Variants in COL20A1 observed in about 807,000 individuals in gnomAD.
COL20A1 encodes the protein collagen type XX alpha 1 chain, also known as collagen alpha-1(XX) chain.
COL20A1 carries 164 observed loss-of-function variants against 152.9 expected under a neutral mutation model. That is an observed-to-expected ratio of 1.07 (90% confidence interval 0.94 to 1.22). The LOEUF (loss-of-function observed/expected upper bound fraction) is 1.22, where lower values mean the gene tolerates loss of function less well. Ranked by LOEUF, COL20A1 falls within the 50% of genes most tolerant of loss-of-function variation. The probability of loss-of-function intolerance (pLI) is 0.00; values close to 1 mark genes in which losing one functional copy is unlikely to be tolerated. For missense variants in COL20A1, 1,873 were observed against 1,744.8 expected (o/e 1.07, Z -1.31); for synonymous variants, 864 against 756.0 (o/e 1.14, Z -2.34).
intron 26 of COL20A1, 65 bp downstream of exon 26, chr20:63,321,164 T>A: frequency 8.9e-7 from 1 of 1,128,504 alleles, no homozygotes; most frequent in Non-Finnish European, 1.3e-6. Flanking sequence ...CTGCCACTGG[T>A]GGATGTGTAA....
At chr20:63,316,735 G>C in intron 21 of COL20A1, 44 bp downstream of exon 21, 1 of 1,474,034 alleles carries the variant, frequency 6.8e-7, no homozygotes. Flanking sequence ...CCCAGGCTGG[G>C]GCCGCTGAAG....
At chr20:63,309,578 G>A (rs1298212867) in intron 9 of COL20A1, 81 bp downstream of exon 9, 50 of 1,347,576 alleles carry the variant, frequency 3.7e-5, no homozygotes, top group Non-Finnish European at 4.3e-5. Context: ...TGTGGCTCCC[G>A]TGTGGTACCT....
At position 63,305,718 on chromosome 20, in the gene COL20A1, G is replaced by A. The variant is rs192870698; in HGVS notation, c.337+158G>A. Among the ~76,000 whole-genome samples, 2 of 152,190 alleles carry A rather than the reference G, an allele frequency of 1.3e-5. No individual in the cohort carries two copies. The highest frequency in any genetic ancestry group is 4.8e-5 in the African/African-American group (2 of 41,436). On this transcript the variant is annotated intron_variant, in intron 4 of 35. Coordinates refer to ENST00000358894, the MANE Select transcript of COL20A1 (RefSeq NM_020882.4). The surrounding 1 kb of genome is among the most constrained non-coding windows in gnomAD (Gnocchi z 4.9). ...TGTGCTAGGGGCAGGTTCAAGTCCC[G>A]ACTCACCAGCAAGGCTGCCTTGCCC... is the stretch of plus-strand genomic sequence containing the variant.
At position 63,326,153 on chromosome 20, in the gene COL20A1, G is replaced by A. The variant is rs2068244727; in HGVS notation, c.3456+4G>A. 3 of 1,610,946 alleles carry A rather than the reference G, an allele frequency of 1.9e-6. No individual in the cohort carries two copies. Among genetic ancestry groups the A allele is most frequent in the Non-Finnish European group, 8.5e-7 (1 of 1,178,248 alleles). On this transcript the variant is annotated splice_donor_region_variant and intron_variant, in intron 30 of 35. Coordinates refer to ENST00000358894, the MANE Select transcript of COL20A1 (RefSeq NM_020882.4). ...GCCTGGACCCCCTGGCCCCAGGGTA[G>A]GCACCGACCTCCCATGACCCCGACC...
chr20:63,311,966 G>A lies in COL20A1; in HGVS notation c.1714G>A (p.Ala572Thr), dbSNP rs547538940. 35 of 1,597,454 alleles carry A rather than the reference G, an allele frequency of 2.2e-5. No individual in the cohort carries two copies. The highest frequency in any genetic ancestry group is 1.7e-4 in the Admixed American group (10 of 58,252). The change falls in exon 14 of 36, where the codon GCG becomes ACG. Residue 572 changes from alanine (A) to threonine (T), a missense_variant. Ala to Thr is a moderately conservative substitution (Grantham distance 58, BLOSUM62 0). Transcript: ENST00000358894. This position sits in a 1 kb window ranked among gnomAD's most constrained non-coding sequence, Gnocchi z 4.4. ...GGGCTTCTCAGACGTGAGCCACGAC[G>A]CGGCACGAGTGTTCTGGGAGGGTGC... ...HLGFSDVSHD[A>T]ARVFWEGAPR...
rs111272882 is a variant in COL20A1, at chr20:63,312,476, C to G, written c.1860C>G (p.Thr620=). 14 of 1,608,856 alleles carry G rather than the reference C, an allele frequency of 8.7e-6. No individual in the cohort carries two copies. Among genetic ancestry groups the G allele is most frequent in the Non-Finnish European group, 8.5e-6 (10 of 1,178,858 alleles). Residue 620 remains threonine, a synonymous_variant, in exon 15 of 36, where the codon ACC becomes ACG. Transcript: ENST00000358894. ...CGCTGGGGCCTCTCTCTTCCTCCAC[C>G]ACCTACACTGTCCGTGTCACCTGCC... is the stretch of plus-strand genomic sequence containing the variant. ...SATLGPLSSS[T]TYTVRVTCLY...
intron 3 of COL20A1, among the ~76,000 whole-genome samples, chr20:63,304,215 C>T (rs1601407821): frequency 2.8e-5 from 3 of 105,802 alleles, no homozygotes; most frequent in Non-Finnish European, 2.0e-5. Context: ...CTCCCTTCCT[C>T]CCTCCAGGTG....
At position 63,308,011 on chromosome 20, in the gene COL20A1, C is replaced by T; in HGVS notation, c.696C>T (p.Asp232=). Residue 232 remains aspartate, a synonymous_variant, in exon 7 of 36, where the codon GAC becomes GAT. Coordinates refer to ENST00000358894, the MANE Select transcript of COL20A1 (RefSeq NM_020882.4). ...QYSGDAQTEW[D]LNSLSTKEQV... ...GCGGGGATGCTCAGACTGAGTGGGA[C>T]CTGAACTCCCTCAGCACCAAGGAAC... 1 of 1,612,608 alleles carries T rather than the reference C, an allele frequency of 6.2e-7. No individual in the cohort carries two copies.
At chr20:63,296,703 G>A (rs955307410) in intron 2 of COL20A1, among the ~76,000 whole-genome samples, 13 of 152,200 alleles carry the variant, frequency 8.5e-5, no homozygotes, top group Admixed American at 5.9e-4. Flanking sequence ...CAGGGGCTGC[G>A]GGAGGGGCCC....
chr20:63,301,018 G>C (rs1437790956), intron 3 of COL20A1, among the ~76,000 whole-genome samples: 1 of 152,116 alleles, frequency 6.6e-6, no homozygotes, highest in Non-Finnish European at 1.5e-5. Flanking sequence ...TCAGTCCTTT[G>C]GAAAGTACCT....
chr20:63,319,944 A>C lies in COL20A1; in HGVS notation c.2917-95A>C. ...AGGTTCCTGACCCCAGGTCCCAGGG[A>C]TGGGTGTTACTCCCCAGCCCTGGCC... On this transcript the variant is annotated intron_variant, in intron 23 of 35. Coordinates refer to ENST00000358894, the MANE Select transcript of COL20A1 (RefSeq NM_020882.4). The surrounding 1 kb of genome is among the most constrained non-coding windows in gnomAD (Gnocchi z 4.4). The C allele has an allele frequency of 8.2e-7, 1 of 1,219,456 alleles. No homozygotes were observed. Among genetic ancestry groups the C allele is most frequent in the Middle Eastern group, 2.3e-4 (1 of 4,444 alleles). 75.5% of individuals were successfully genotyped at this position (1,219,456 alleles called of 1,614,324 possible).
At chr20:63,303,709 G>A (rs548121943) in intron 3 of COL20A1, among the ~76,000 whole-genome samples, 3 of 152,316 alleles carry the variant, frequency 2.0e-5, no homozygotes, top group East Asian at 1.9e-4. Context: ...TCCCTGGCGC[G>A]GGGCTGGGTA....
In COL20A1 at chr20:63,325,715, A is replaced by T; in HGVS notation, c.3396A>T (p.Gly1132=). ...TCCCCGGGAGAGTTGGCCTCCAGGG[A>T]CCAAAGGTGCCGGCTCTGGGCTTGG... ...QGIPGRVGLQ[G]PKGMRGLEGT... is the part of the protein sequence containing the mutation. Residue 1132 remains glycine (G), a synonymous_variant, in exon 29 of 36, where the codon GGA becomes GGT. Transcript: ENST00000358894. 1.2e-6 allele frequency: 2 copies of T among 1,611,768 alleles called. No individual in the cohort carries two copies. The highest frequency in any genetic ancestry group is 1.7e-6 in the Non-Finnish European group (2 of 1,179,378).
In COL20A1 at chr20:63,309,960, G is replaced by A. The variant is rs762608350; in HGVS notation, c.1263+45G>A. The A allele has an allele frequency of 2.6e-5, 39 of 1,519,590 alleles. 1 individual carries two copies. The highest frequency in any genetic ancestry group is 1.1e-4 in the South Asian group (9 of 79,546). 94.1% of individuals were successfully genotyped at this position (1,519,590 alleles called of 1,614,324 possible). On this transcript the variant is annotated intron_variant, in intron 10 of 35. Coordinates refer to ENST00000358894, the MANE Select transcript of COL20A1 (RefSeq NM_020882.4). ...GGGCTCCCCGAGCCGGTCCTCAGCC[G>A]TAGTGAGATCTGATAAGCCAAAGGG...
chr20:63,310,019 C>T, intron 10 of COL20A1, 104 bp downstream of exon 10: 1 of 1,108,992 alleles, frequency 9.0e-7, no homozygotes, highest in Non-Finnish European at 1.3e-6. Flanking sequence ...ATAACTGGGT[C>T]CAGGCTGAGA....
chr20:63,321,198 A>G lies in COL20A1; in HGVS notation c.3240+99A>G, dbSNP rs991911520. ...AACCCAGGCCCTCCCGCCCCGGTCCATGCCCCCGTCCTGCCGCAGAGTTGG... is the reference window on the plus strand; with the variant it reads ...AACCCAGGCCCTCCCGCCCCGGTCCGTGCCCCCGTCCTGCCGCAGAGTTGG... On this transcript the variant is annotated intron_variant, in intron 26 of 35. Transcript: ENST00000358894. 2.6e-5 allele frequency: 19 copies of G among 724,294 alleles called. No homozygotes were observed. In the South Asian group the frequency reaches 3.2e-4, roughly 12 times the overall value. 44.9% of individuals were successfully genotyped at this position (724,294 alleles called of 1,614,324 possible).
At chr20:63,301,184 A>G (rs2067859090) in intron 3 of COL20A1, among the ~76,000 whole-genome samples, 1 of 152,158 alleles carries the variant, frequency 6.6e-6, no homozygotes, top group Non-Finnish European at 1.5e-5. Context: ...GCGTGGTGGC[A>G]CACACCTGTA....
rs2068157980 is a variant in COL20A1, at chr20:63,321,192, C to T, written c.3240+93C>T. 6.5e-5 allele frequency: 49 copies of T among 754,152 alleles called. No homozygotes were observed. The South Asian group carries it at 7.1e-4, about 11-fold the overall frequency. The allele number at this position is 754,152 out of a possible 1,614,324, so 46.7% of individuals were successfully genotyped here. A position where few individuals can be genotyped will look rare whatever the true frequency, so the allele number is the denominator to read the frequency against. The stretch of plus-strand genomic sequence containing the variant: ...ATGTGTAACCCAGGCCCTCCCGCCC[C>T]GGTCCATGCCCCCGTCCTGCCGCAG... On this transcript the variant is annotated intron_variant, in intron 26 of 35. Coordinates refer to ENST00000358894, the MANE Select transcript of COL20A1 (RefSeq NM_020882.4).
chr20:63,331,621 C>T lies in COL20A1; in HGVS notation c.*905C>T, dbSNP rs1322135436. On this transcript the variant is annotated 3_prime_UTR_variant, in exon 36 of 36. Transcript: ENST00000358894. ...ACAGCATGGGGGCAAGCTCAGAACA[C>T]ACACCTGGGCTTCTGGGCCTTGTGG... 1.3e-5 allele frequency: 2 copies of T among 152,260 alleles called. No homozygotes were observed. The highest frequency in any genetic ancestry group is 1.3e-4 in the Admixed American group (2 of 15,282). The allele number at this position is 152,260 out of a possible 1,614,324, so 9.4% of individuals were successfully genotyped here. A position where few individuals can be genotyped will look rare whatever the true frequency, so the allele number is the denominator to read the frequency against.
Sources: allele counts gnomAD v4.1 joint callset (sites outside exome capture counted in the v4.1 genomes callset), GRCh38; gene constraint gnomAD v4.1.1; non-coding constraint Gnocchi (gnomAD v3.1); transcripts MANE v1.5; gene names NCBI Gene and HGNC (gene_info 2026-07-23, HGNC 2026-07-21).